Variants in LMBRD1 observed in about 807,000 individuals in gnomAD.
LMBRD1 encodes lysosomal cobalamin transport escort protein LMBD1.
In LMBRD1, 64 loss-of-function variants were observed where a neutral mutation model predicts 74.8. The ratio of observed to expected loss-of-function variants is 0.86; its 90% CI spans 0.70 to 1.05. The LOEUF (loss-of-function observed/expected upper bound fraction) is 1.05, where lower values mean the gene tolerates loss of function less well. Among genes scored for constraint, LMBRD1 ranks in the 50% least tolerant of loss-of-function variants. The pLI is 0.00. For synonymous variants in LMBRD1, 204 were observed against 216.3 expected (o/e 0.94, Z 0.50); for missense variants, 652 against 645.9 (o/e 1.01, Z -0.10).
chr6:69,782,054 T>C (rs1035503414), intron 2 of LMBRD1, among the ~76,000 whole-genome samples: 1 of 152,202 alleles, frequency 6.6e-6, no homozygotes, highest in African/African-American at 2.4e-5. Flanking sequence ...TTTAAAACAA[T>C]AACATCCAGT....
chr6:69,744,198 C>T (rs1767168304), intron 5 of LMBRD1, among the ~76,000 whole-genome samples: 1 of 152,048 alleles, frequency 6.6e-6, no homozygotes, highest in Non-Finnish European at 1.5e-5. Context: ...GAAAGGTGCA[C>T]ATACTTTTAA....
chr6:69,706,934 A>G (rs1341321180), intron 9 of LMBRD1, among the ~76,000 whole-genome samples: 1 of 152,188 alleles, frequency 6.6e-6, no homozygotes, highest in African/African-American at 2.4e-5. Context: ...CTGTCTGTGC[A>G]CAGTGCAGCT....
intron 9 of LMBRD1, among the ~76,000 whole-genome samples, chr6:69,710,043 T>C (rs1020110553): frequency 6.6e-6 from 1 of 152,152 alleles, no homozygotes. Flanking sequence ...ATGCAAAGGA[T>C]TTGGCAAAGC....
chr6:69,690,385 A>T (rs1230362042), intron 14 of LMBRD1, among the ~76,000 whole-genome samples: 1 of 152,124 alleles, frequency 6.6e-6, no homozygotes, highest in Non-Finnish European at 1.5e-5. Flanking sequence ...TCAATACATA[A>T]ATGTAAACAA....
chr6:69,787,389 A>G lies in LMBRD1; in HGVS notation c.246+2907T>C, dbSNP rs73469931. Among the ~76,000 whole-genome samples, 610 of 152,310 alleles carry G rather than the reference A, an allele frequency of 4.0e-3. 4 individuals carry two copies. The highest frequency in any genetic ancestry group is 0.013 in the African/African-American group (551 of 41,560). On this transcript the variant is annotated intron_variant, in intron 2 of 15. Transcript: ENST00000649934. Reference sequence around the variant, plus strand: ...GTTTCAAGGTATCAAAAAAACTACCAAGAAAAATCTGATACATTATCTAAG... The same window carrying G: ...GTTTCAAGGTATCAAAAAAACTACCGAGAAAAATCTGATACATTATCTAAG...
chr6:69,790,284 G>T lies in LMBRD1; in HGVS notation c.246+12C>A. The stretch of plus-strand genomic sequence containing the variant: ...AAAGGAAAAAAAATCTGCAAAGTAA[G>T]ATTATATTTACCTTAAATGTACCAT... On this transcript the variant is annotated intron_variant, in intron 2 of 15. Transcript: ENST00000649934. 1 of 1,577,228 alleles carries T rather than the reference G, an allele frequency of 6.3e-7. No individual in the cohort carries two copies.
chr6:69,767,660 T>C (rs977109029), intron 3 of LMBRD1, among the ~76,000 whole-genome samples: 1 of 151,928 alleles, frequency 6.6e-6, no homozygotes, highest in Non-Finnish European at 1.5e-5. Flanking sequence ...TTTAAGTCAA[T>C]TGTGTTCTGC....
chr6:69,693,007 C>T (rs755594881), intron 14 of LMBRD1, among the ~76,000 whole-genome samples: 4 of 152,054 alleles, frequency 2.6e-5, no homozygotes, highest in Non-Finnish European at 5.9e-5. Flanking sequence ...TCCAAATGTA[C>T]ATGGTCTTTT....
At chr6:69,698,973 TTAAAA>T (rs1766066617) in intron 13 of LMBRD1, 65 bp downstream of exon 13, 1 of 1,075,354 alleles carries the variant, frequency 9.3e-7, no homozygotes, top group African/African-American at 1.6e-5. Context: ...ACCATCACAA[TTAAAA>T]TTTCATTTTA....
Position 69,732,322 on chromosome 6 carries a change from A to G in LMBRD1, c.636+5620T>C, listed in dbSNP as rs186463317. Among the ~76,000 whole-genome samples, 238 of 152,292 alleles carry G rather than the reference A, an allele frequency of 1.6e-3. 1 individual carries two copies. The highest frequency in any genetic ancestry group is 5.6e-3 in the African/African-American group (232 of 41,574). On this transcript the variant is annotated intron_variant, in intron 7 of 15. Transcript: ENST00000649934. Reference sequence around the variant, plus strand: ...GATTAATGCCCTTATAAGAAGGGTCACAATAGAGCTTGCTTCCTCTCTCTC... The same window carrying G: ...GATTAATGCCCTTATAAGAAGGGTCGCAATAGAGCTTGCTTCCTCTCTCTC...
chr6:69,749,845 T>G (rs1230252101), intron 4 of LMBRD1, among the ~76,000 whole-genome samples: 1 of 148,148 alleles, frequency 6.8e-6, no homozygotes. Context: ...TATTTGTATA[T>G]ATACATACTC....
Position 69,737,931 on chromosome 6 carries a change from A to G in LMBRD1, c.636+11T>C. 2 of 1,588,290 alleles carry G rather than the reference A, an allele frequency of 1.3e-6. No homozygotes were observed. The highest frequency in any genetic ancestry group is 1.7e-6 in the Non-Finnish European group (2 of 1,158,206). ...AGGCAATTTTAACTCAATTATCCCC[A>G]TTTCACTTACTGTGTAAGTTATAGC... On this transcript the variant is annotated intron_variant, in intron 7 of 15. Transcript: ENST00000649934.
intron 1 of LMBRD1, among the ~76,000 whole-genome samples, chr6:69,793,881 G>A (rs374527888): frequency 1.8e-4 from 28 of 151,882 alleles, no homozygotes; most frequent in East Asian, 1.4e-3. Flanking sequence ...CACCTCGCCC[G>A]GCTAATTTTT....
intron 5 of LMBRD1, among the ~76,000 whole-genome samples, chr6:69,744,978 G>T (rs1406041300): frequency 6.6e-6 from 1 of 151,930 alleles, no homozygotes; most frequent in Non-Finnish European, 1.5e-5. Context: ...GAGTAGCTAG[G>T]ATTACAGGCG....
intron 6 of LMBRD1, among the ~76,000 whole-genome samples, chr6:69,741,452 T>TC (rs34459769): frequency 0.48 from 72,815 of 151,634 alleles, 18,161 homozygotes; most frequent in African/African-American, 0.61. Context: ...AATGGCGCAA[T>TC]TCAGCTCACT....
intron 9 of LMBRD1, among the ~76,000 whole-genome samples, chr6:69,712,045 G>T (rs189271815): frequency 2.0e-5 from 3 of 152,084 alleles, no homozygotes; most frequent in Non-Finnish European, 4.4e-5. Context: ...TGTCCATGTT[G>T]AACCACTTCT....
intron 3 of LMBRD1, among the ~76,000 whole-genome samples, chr6:69,764,270 T>C (rs1162520471): frequency 3.9e-5 from 6 of 152,138 alleles, no homozygotes; most frequent in Non-Finnish European, 1.5e-5. Context: ...GCCCCTGTGA[T>C]GGCATTAGTG....
chr6:69,749,889 CATACTCATATAT>C (rs1370198169), intron 4 of LMBRD1, among the ~76,000 whole-genome samples: 2 of 131,648 alleles, frequency 1.5e-5, no homozygotes, highest in African/African-American at 3.4e-5. Flanking sequence ...TACACATATA[CATACTCATATAT>C]ACATATATAA....
chr6:69,786,817 G>A (rs545014636), intron 2 of LMBRD1, among the ~76,000 whole-genome samples: 1 of 152,186 alleles, frequency 6.6e-6, no homozygotes, highest in East Asian at 1.9e-4. Flanking sequence ...AGAAAAGCCT[G>A]GGCACCTTCT....
Sources: allele counts gnomAD v4.1 joint callset (sites outside exome capture counted in the v4.1 genomes callset), GRCh38; gene constraint gnomAD v4.1.1; transcripts MANE v1.5; gene names NCBI Gene and HGNC (gene_info 2026-07-23, HGNC 2026-07-21).